PCDHA8: variants seen among roughly 807,000 people sequenced by gnomAD.
PCDHA8 encodes the protein protocadherin alpha-8.
PCDHA8 carries 53 observed loss-of-function variants against 61.8 expected under a neutral mutation model. The ratio of observed to expected loss-of-function variants is 0.86; its 90% confidence interval spans 0.69 to 1.08. The LOEUF is 1.08. Ranked by LOEUF, PCDHA8 falls within the 50% of genes least tolerant of loss-of-function variation. The pLI is 0.00. For missense variants in PCDHA8, 1,293 were observed against 1,245.0 expected (o/e 1.04, Z -0.58); for synonymous variants, 618 against 556.6 (o/e 1.11, Z -1.55).
intron 3 of PCDHA8, among the ~76,000 whole-genome samples, chr5:140,986,050 T>G (rs1221001446): frequency 6.6e-6 from 1 of 152,226 alleles, no homozygotes; most frequent in Non-Finnish European, 1.5e-5. Flanking sequence ...CACTGATGAA[T>G]TCTTTTGCTT....
At chr5:141,004,348 C>A (rs1554259549) in intron 3 of PCDHA8, among the ~76,000 whole-genome samples, 1 of 152,216 alleles carries the variant, frequency 6.6e-6, no homozygotes, top group Non-Finnish European at 1.5e-5. Context: ...CTGTGAGGGA[C>A]TGGAGAGACC....
At chr5:140,886,871 T>C (rs1045804511) in intron 1 of PCDHA8, among the ~76,000 whole-genome samples, 1 of 151,744 alleles carries the variant, frequency 6.6e-6, no homozygotes, top group Non-Finnish European at 1.5e-5. Flanking sequence ...AACTCCTATA[T>C]TGAACATTCA....
At chr5:140,996,699 C>T (rs1462785057) in intron 3 of PCDHA8, among the ~76,000 whole-genome samples, 3 of 152,146 alleles carry the variant, frequency 2.0e-5, no homozygotes, top group Non-Finnish European at 2.9e-5. Flanking sequence ...TTCTGAACCT[C>T]TATCTCTTTG....
chr5:140,872,756 A>G (rs987230878), intron 1 of PCDHA8, among the ~76,000 whole-genome samples: 1 of 152,342 alleles, frequency 6.6e-6, no homozygotes, highest in East Asian at 1.9e-4. Context: ...AAAGACATGC[A>G]TATAGGGCTA....
At chr5:140,956,906 A>G (rs2095319439) in intron 1 of PCDHA8, among the ~76,000 whole-genome samples, 1 of 152,218 alleles carries the variant, frequency 6.6e-6, no homozygotes, top group Non-Finnish European at 1.5e-5. Flanking sequence ...TCTTAAATGT[A>G]TAAACTTTAA....
intron 2 of PCDHA8, chr5:140,982,222 A>C: frequency 3.5e-6 from 2 of 569,284 alleles, no homozygotes; most frequent in Non-Finnish European, 2.7e-6. Context: ...CATGGCGTTA[A>C]TAAAAAACAG....
In PCDHA8 at chr5:140,842,084, G is replaced by T; in HGVS notation, c.763G>T (p.Ala255Ser). The change falls in exon 1 of 4, where the codon GCA becomes TCA. Residue 255 changes from alanine to serine, a missense_variant. Physicochemically the swap from Ala to Ser is moderately conservative, Grantham distance 99. Transcript: ENST00000531613. ...SEYEVRIFEN[A>S]DNGTTVIKLN... is the part of the protein sequence containing the mutation. Reference sequence around the variant, plus strand: ...ATACGAAGTAAGAATATTCGAAAACGCAGACAACGGAACAACAGTTATCAA... The same window carrying T: ...ATACGAAGTAAGAATATTCGAAAACTCAGACAACGGAACAACAGTTATCAA... 6.2e-7 allele frequency: 1 copy of T among 1,613,876 alleles called. No individual in the cohort carries two copies. The highest frequency in any genetic ancestry group is 1.1e-5 in the South Asian group (1 of 91,076).
chr5:140,883,290 T>C, intron 1 of PCDHA8: 1 of 1,614,060 alleles, frequency 6.2e-7, no homozygotes, highest in South Asian at 1.1e-5. Context: ...GTGGAAGTAC[T>C]AGATGTAAAT....
intron 1 of PCDHA8, chr5:140,863,724 G>C (rs1450071694): frequency 3.7e-6 from 1 of 271,826 alleles, no homozygotes; most frequent in African/African-American, 2.2e-5. Context: ...GCCGGGTGCG[G>C]TAGCTCATGC....
chr5:140,884,702 T>C (rs1362804646), intron 1 of PCDHA8: 7 of 1,495,380 alleles, frequency 4.7e-6, no homozygotes, highest in East Asian at 4.7e-5. Context: ...GTAAACACTT[T>C]AGCCTTCCTT....
At chr5:140,848,593 A>G in intron 1 of PCDHA8, 1 of 1,593,964 alleles carries the variant, frequency 6.3e-7, no homozygotes, top group Non-Finnish European at 8.6e-7. Flanking sequence ...CAGCTCCACT[A>G]CTCCGTCCCG....
chr5:140,867,485 T>C (rs1329188157), intron 1 of PCDHA8: 1 of 152,044 alleles, frequency 6.6e-6, no homozygotes, highest in Non-Finnish European at 1.5e-5. Context: ...AAAGAGTAAA[T>C]ATGAAAAAAG....
At position 140,858,665 on chromosome 5, in the gene PCDHA8, A is replaced by G. The variant is rs2045550518; in HGVS notation, c.2394+14950A>G. On this transcript the variant is annotated intron_variant, in intron 1 of 3. Transcript: ENST00000531613. ...GGTACTTAAATTTTTTTAAATAACAATTTATTCTGAATACACTAATATTTT... is the reference window on the plus strand; with the variant it reads ...GGTACTTAAATTTTTTTAAATAACAGTTTATTCTGAATACACTAATATTTT... 5.6e-6 allele frequency: 4 copies of G among 718,718 alleles called. 1 individual carries two copies. The highest frequency in any genetic ancestry group is 1.8e-5 in the African/African-American group (1 of 55,644). 44.5% of individuals were successfully genotyped at this position (718,718 alleles called of 1,614,324 possible).
At position 140,877,198 on chromosome 5, in the gene PCDHA8, G is replaced by A. The variant is rs781787046; in HGVS notation, c.2394+33483G>A. On this transcript the variant is annotated intron_variant, in intron 1 of 3. Transcript: ENST00000531613. Reference sequence around the variant, plus strand: ...GACTCCGGCTGGCAGCGCAGGAGGCGCAGTTAGCGAGTTGGTACCGCGGTC... The same window carrying A: ...GACTCCGGCTGGCAGCGCAGGAGGCACAGTTAGCGAGTTGGTACCGCGGTC... The A allele has an allele frequency of 1.5e-5, 24 of 1,613,830 alleles. No individual in the cohort carries two copies. The highest frequency in any genetic ancestry group is 7.7e-5 in the South Asian group (7 of 91,064).
intron 1 of PCDHA8, chr5:140,876,095 T>C (rs781801828): frequency 4.3e-6 from 7 of 1,613,928 alleles, no homozygotes; most frequent in Non-Finnish European, 5.9e-6. Context: ...ACGCCAAAAC[T>C]CAATTTATTG....
chr5:140,945,927 G>A (rs1036727708), intron 1 of PCDHA8, among the ~76,000 whole-genome samples: 1 of 152,038 alleles, frequency 6.6e-6, no homozygotes, highest in East Asian at 1.9e-4. Flanking sequence ...ACTGATCTGA[G>A]CAATGATGTT....
rs559337177 is a variant in PCDHA8 at position 140,853,682 on chromosome 5, A to G, written c.2394+9967A>G. On this transcript the variant is annotated intron_variant, in intron 1 of 3. Transcript: ENST00000531613. ...ACAAATTGGGGCCTATGGTCAACCT[A>G]TCCTTAGACCTGCTAACGCATTAGC... 95 of 988,426 alleles carry G rather than the reference A, an allele frequency of 9.6e-5. 12 individuals are homozygous for G. The highest frequency in any genetic ancestry group is 1.1e-4 in the Non-Finnish European group (93 of 820,328). The allele number at this position is 988,426 out of a possible 1,614,324, so 61.2% of individuals were successfully genotyped here.
intron 1 of PCDHA8, among the ~76,000 whole-genome samples, chr5:140,970,418 G>A (rs1377182658): frequency 6.6e-6 from 1 of 152,220 alleles, no homozygotes; most frequent in East Asian, 1.9e-4. Flanking sequence ...ACAGTAAGGT[G>A]TAGAGGCAGG....
At chr5:140,965,402 G>A (rs1554227671) in intron 1 of PCDHA8, among the ~76,000 whole-genome samples, 1 of 152,112 alleles carries the variant, frequency 6.6e-6, no homozygotes, top group Non-Finnish European at 1.5e-5. Context: ...AGTCTAAGGA[G>A]TCTTATATTT....
Sources: allele counts gnomAD v4.1 joint callset (sites outside exome capture counted in the v4.1 genomes callset), GRCh38; gene constraint gnomAD v4.1.1; transcripts MANE v1.5; gene names NCBI Gene and HGNC (gene_info 2026-07-23, HGNC 2026-07-21).